Variants in CFAP45 observed in about 807,000 individuals in gnomAD.
The protein encoded by CFAP45 is cilia- and flagella-associated protein 45.
In CFAP45, 43 loss-of-function variants were observed where a neutral mutation model predicts 75.6. The observed-to-expected ratio is 0.57, with a 90% CI of 0.45 to 0.73. CFAP45 has a LOEUF of 0.73. Ranked by LOEUF, CFAP45 falls within the 30% of genes least tolerant of loss-of-function variation. The probability of loss-of-function intolerance (pLI) is 0.00; values close to 1 mark genes in which losing one functional copy is unlikely to be tolerated. For missense variants in CFAP45, 689 were observed against 701.5 expected (o/e 0.98, Z 0.20); for synonymous variants, 223 against 244.6 (o/e 0.91, Z 0.82).
At chr1:159,892,967 A>G (rs1362564909) in intron 2 of CFAP45, among the ~76,000 whole-genome samples, 3 of 152,146 alleles carry the variant, frequency 2.0e-5, no homozygotes, top group Admixed American at 2.0e-4. Flanking sequence ...AAGACATGAG[A>G]GATTCTAGGG....
intron 1 of CFAP45, among the ~76,000 whole-genome samples, chr1:159,897,324 C>G (rs1260947201): frequency 6.6e-6 from 1 of 152,046 alleles, no homozygotes; most frequent in East Asian, 1.9e-4. Context: ...TGGCTCACGC[C>G]TGTAATCCCA....
chr1:159,891,604 A>G (rs1365623660), intron 2 of CFAP45, among the ~76,000 whole-genome samples: 1 of 152,242 alleles, frequency 6.6e-6, no homozygotes, highest in Non-Finnish European at 1.5e-5. Context: ...AAATGTCTAA[A>G]CACAGGAAAG....
chr1:159,872,988 A>T lies in CFAP45; in HGVS notation c.1533T>A (p.Arg511=). ...TCCTCTTGATCTCATCGATGCGCTC[A>T]CGGCGTTTCTGGGCCTCCTCTTTGA... ...RRLKEEAQKR[R]ERIDEIKRKK... Residue 511 remains arginine (R), a synonymous_variant, in exon 11 of 12, where the codon CGT becomes CGA. Transcript: ENST00000368099. 8.1e-6 allele frequency: 13 copies of T among 1,614,202 alleles called. No homozygotes were observed. Among genetic ancestry groups the T allele is most frequent in the African/African-American group, 1.3e-5 (1 of 75,052 alleles).
intron 8 of CFAP45, among the ~76,000 whole-genome samples, chr1:159,878,774 A>AAAAAAAAAAAAAAAAAAAG (rs1649475326): frequency 7.2e-6 from 1 of 139,650 alleles, no homozygotes; most frequent in Admixed American, 7.3e-5. Context: ...AAAAAAAAAA[A>AAAAAAAAAAAAAAAAAAAG]AAAAAAAACC....
At chr1:159,893,136 T>A (rs368573056) in intron 2 of CFAP45, 44 bp downstream of exon 2, 3 of 1,609,238 alleles carry the variant, frequency 1.9e-6, no homozygotes, top group Non-Finnish European at 2.5e-6. Context: ...TTTGGGCCTC[T>A]GCCTGCAGGT....
chr1:159,878,753 T>TAAAAAAAAAAAAAACAAAAAAA (rs1649470079), intron 8 of CFAP45, among the ~76,000 whole-genome samples: 1 of 32,496 alleles, frequency 3.1e-5, no homozygotes, highest in Non-Finnish European at 5.8e-5. Flanking sequence ...AGACTACATC[T>TAAAAAAAAAAAAAACAAAAAAA]AAAAAAAAAA....
chr1:159,890,571 G>T lies in CFAP45; in HGVS notation c.181C>A (p.His61Asn), dbSNP rs764217890. 4 of 1,614,006 alleles carry T rather than the reference G, an allele frequency of 2.5e-6. No individual in the cohort carries two copies. Among genetic ancestry groups the T allele is most frequent in the Non-Finnish European group, 3.4e-6 (4 of 1,179,932 alleles). Residue 61 changes from histidine (H) to asparagine (N), a missense_variant, in exon 3 of 12, where the codon CAT becomes AAT. Transcript: ENST00000368099. Reference protein sequence around the residue: ...DSPIVLLRDKHTLQKTLTALG... With the variant: ...DSPIVLLRDKNTLQKTLTALG... ...GCAGTGAGAGTTTTTTGAAGGGTATGCTTATCTCGGAGCAGCACAATGGGG... is the reference window on the plus strand; with the variant it reads ...GCAGTGAGAGTTTTTTGAAGGGTATTCTTATCTCGGAGCAGCACAATGGGG...
At chr1:159,872,901 C>T (rs4460634) in intron 11 of CFAP45, 43 bp downstream of exon 11, 22 of 1,571,440 alleles carry the variant, frequency 1.4e-5, no homozygotes, top group African/African-American at 8.1e-5. Context: ...CATCTCTTTG[C>T]GGGAGGGAAG....
At chr1:159,883,788 G>T (rs981239600) in intron 7 of CFAP45, among the ~76,000 whole-genome samples, 8 of 152,020 alleles carry the variant, frequency 5.3e-5, no homozygotes, top group African/African-American at 1.9e-4. Flanking sequence ...ATAAAAAATT[G>T]AGGAAAAAAA....
chr1:159,890,690 A>G, intron 2 of CFAP45, 68 bp from the exon 3 acceptor site: 2 of 1,479,930 alleles, frequency 1.4e-6, no homozygotes, highest in Non-Finnish European at 1.9e-6. Flanking sequence ...TCCTAACTTC[A>G]AGGATAGAGC....
intron 8 of CFAP45, among the ~76,000 whole-genome samples, chr1:159,878,080 A>T (rs953871343): frequency 1.3e-5 from 2 of 152,222 alleles, no homozygotes; most frequent in Non-Finnish European, 2.9e-5. Flanking sequence ...CTTGCCCAAG[A>T]TTGCACAGGA....
Position 159,876,745 on chromosome 1 carries a change from GC to G in CFAP45, c.1162del (p.Ala388ProfsTer138). 2 of 1,614,152 alleles carry G rather than the reference GC, an allele frequency of 1.2e-6. No individual in the cohort carries two copies. The highest frequency in any genetic ancestry group is 2.7e-5 in the African/African-American group (2 of 75,042). ...CTCCTGGTTGCGCTTGGCCCGCAAG[GC>G]ATCCTGGGAATGTTGGCAGGGGACC... is the stretch of plus-strand genomic sequence containing the variant. ...KAQDYQAEQDALRAKRNQEVA... is the reference protein window; with the variant it reads ...KAQDYQAEQDXLRAKRNQEVA... On this transcript the variant is annotated frameshift_variant, in exon 10 of 12. Coordinates refer to ENST00000368099, the MANE Select transcript of CFAP45 (RefSeq NM_012337.3). LOFTEE classifies it high-confidence loss of function.
intron 7 of CFAP45, among the ~76,000 whole-genome samples, chr1:159,883,639 T>A (rs1218427046): frequency 6.7e-6 from 1 of 148,944 alleles, no homozygotes; most frequent in African/African-American, 2.5e-5. Context: ...TATATATATA[T>A]ATATATATAT....
chr1:159,899,160 TG>T (rs1415170199), intron 1 of CFAP45, among the ~76,000 whole-genome samples: 2 of 152,144 alleles, frequency 1.3e-5, no homozygotes, highest in Non-Finnish European at 2.9e-5. Flanking sequence ...CAGGCTTTGC[TG>T]GCCTTCTCAG....
chr1:159,882,109 A>G (rs1649563586), intron 7 of CFAP45, among the ~76,000 whole-genome samples: 2 of 152,310 alleles, frequency 1.3e-5, no homozygotes, highest in South Asian at 4.1e-4. Flanking sequence ...CCAGAGCGGT[A>G]TGGCAACTCT....
intron 10 of CFAP45, chr1:159,876,207 C>A: frequency 1.3e-5 from 4 of 319,202 alleles, no homozygotes. Flanking sequence ...CTAAACCACT[C>A]CTCTTGCAGT....
At chr1:159,886,909 G>A (rs1349927183) in intron 5 of CFAP45, among the ~76,000 whole-genome samples, 1 of 152,186 alleles carries the variant, frequency 6.6e-6, no homozygotes, top group African/African-American at 2.4e-5. Context: ...TCTGTGCAAG[G>A]AGGGGCCTGG....
rs376776397 is a variant in CFAP45, at chr1:159,884,469, T to G, written c.864A>C (p.Glu288Asp). 3.1e-6 allele frequency: 5 copies of G among 1,613,812 alleles called. No homozygotes were observed. The African/African-American group carries it at 6.7e-5, about 22-fold the overall frequency. The change falls in exon 7 of 12, where the codon GAA (glutamate) becomes GAC (aspartate). Residue 288 changes from glutamate (E) to aspartate (D), a missense_variant. By Grantham distance (45) the Glu-to-Asp change is conservative. Coordinates refer to ENST00000368099, the MANE Select transcript of CFAP45 (RefSeq NM_012337.3). ...CTTCCTCTTGGAGCTGTTCCATATA[T>G]TCCAGCATCTGCTCCTTCTCCTGCT... ...QREQEKEQML[E>D]YMEQLQEEDL...
rs139950385 is a variant in CFAP45 at position 159,890,579 on chromosome 1, C to T, written c.173G>A (p.Arg58Gln). 1.2e-4 allele frequency: 191 copies of T among 1,613,998 alleles called. 1 individual carries two copies. In the African/African-American group the frequency reaches 2.0e-3, roughly 17 times the overall value. The change falls in exon 3 of 12, where the codon CGA becomes CAA. Residue 58 changes from arginine to glutamine, a missense_variant. Transcript: ENST00000368099. ...GQSDSPIVLL[R>Q]DKHTLQKTLT... is the part of the protein sequence containing the mutation. The stretch of plus-strand genomic sequence containing the variant: ...AGTTTTTTGAAGGGTATGCTTATCT[C>T]GGAGCAGCACAATGGGGCTGTCGCT...
Sources: allele counts gnomAD v4.1 joint callset (sites outside exome capture counted in the v4.1 genomes callset), GRCh38; gene constraint gnomAD v4.1.1; transcripts MANE v1.5; gene names NCBI Gene and HGNC (gene_info 2026-07-23, HGNC 2026-07-21).